EEA1: variants seen among roughly 807,000 people sequenced by gnomAD.
EEA1 encodes the protein early endosome antigen 1, also known as early endosome antigen 1, 162kD.
In EEA1, 111 loss-of-function variants were observed where a neutral mutation model predicts 209.2. The ratio of observed to expected loss-of-function variants is 0.53; its 90% CI spans 0.45 to 0.62. The LOEUF is 0.62. EEA1 is among the 20% of genes least tolerant of loss of function. The probability of loss-of-function intolerance (pLI) is 0.00; values close to 1 mark genes in which losing one functional copy is unlikely to be tolerated. For missense variants in EEA1, 1,343 were observed against 1,530.8 expected, an observed-to-expected ratio of 0.88 and a Z score of 2.05; for synonymous variants, 536 against 540.6, an observed-to-expected ratio of 0.99 and a Z score of 0.12.
intron 10 of EEA1, among the ~76,000 whole-genome samples, chr12:92,840,219 CA>C (rs1413819689): frequency 6.6e-6 from 1 of 152,056 alleles, no homozygotes; most frequent in Non-Finnish European, 1.5e-5. Context: ...AAAAGGGTTT[CA>C]TAACTCTCTA....
At chr12:92,887,660 TA>T (rs202029878) in intron 2 of EEA1, among the ~76,000 whole-genome samples, 5 of 151,046 alleles carry the variant, frequency 3.3e-5, no homozygotes, top group East Asian at 1.9e-4. Context: ...AAAATAAAAA[TA>T]AAAAAAATAC....
chr12:92,881,837 TTA>T (rs1242481508), intron 2 of EEA1, among the ~76,000 whole-genome samples: 1 of 152,180 alleles, frequency 6.6e-6, no homozygotes. Flanking sequence ...ATTACATATA[TTA>T]TATATGTTAT....
intron 13 of EEA1, among the ~76,000 whole-genome samples, chr12:92,821,471 C>T (rs989478219): frequency 6.6e-6 from 1 of 152,162 alleles, no homozygotes; most frequent in Admixed American, 6.5e-5. Context: ...CCAAAAGCCA[C>T]TCCCAAAATA....
chr12:92,859,236 C>T (rs1878023879), intron 3 of EEA1: 1 of 1,612,202 alleles, frequency 6.2e-7, no homozygotes, highest in Non-Finnish European at 8.5e-7. Context: ...TTGGTAGGGA[C>T]AGCTTCCCAT....
chr12:92,914,819 A>G (rs543218932), intron 1 of EEA1, among the ~76,000 whole-genome samples: 27 of 152,112 alleles, frequency 1.8e-4, no homozygotes, highest in African/African-American at 6.0e-4. Flanking sequence ...GTGCATCCCC[A>G]CGACCAACTA....
At chr12:92,916,481 C>T (rs532583758) in intron 1 of EEA1, among the ~76,000 whole-genome samples, 2 of 150,302 alleles carry the variant, frequency 1.3e-5, no homozygotes, top group African/African-American at 2.5e-5. Flanking sequence ...AGTGAAACCC[C>T]GTCTCTACTA....
intron 1 of EEA1, among the ~76,000 whole-genome samples, chr12:92,905,065 T>C (rs1313313225): frequency 6.6e-6 from 1 of 152,166 alleles, no homozygotes; most frequent in Non-Finnish European, 1.5e-5. Context: ...AACCTGAAGC[T>C]ATCTAGGGGC....
intron 8 of EEA1, 62 bp downstream of exon 8, chr12:92,852,113 G>T (rs1877655446): frequency 7.7e-7 from 1 of 1,292,516 alleles, no homozygotes; most frequent in Non-Finnish European, 1.0e-6. Flanking sequence ...TTCAGGGTAT[G>T]TATTTTATTT....
intron 2 of EEA1, chr12:92,879,224 T>G: frequency 3.3e-6 from 1 of 302,778 alleles, no homozygotes; most frequent in Non-Finnish European, 6.4e-6. Flanking sequence ...TTTTGTATTT[T>G]GGAATATTTA....
At chr12:92,796,041 T>C (rs972302814) in intron 21 of EEA1, among the ~76,000 whole-genome samples, 1 of 152,084 alleles carries the variant, frequency 6.6e-6, no homozygotes, top group Non-Finnish European at 1.5e-5. Context: ...AAGACAAAAT[T>C]CTCTGTCTTT....
At chr12:92,910,201 G>A (rs1271540961) in intron 1 of EEA1, among the ~76,000 whole-genome samples, 3 of 150,988 alleles carry the variant, frequency 2.0e-5, no homozygotes, top group Non-Finnish European at 4.4e-5. Context: ...GTCAGGCGCG[G>A]TGGCTCACAC....
chr12:92,879,541 A>AGGGGGAGGGGAAAAGAAGGGAGAGAGG (rs1879050514), intron 2 of EEA1, among the ~76,000 whole-genome samples: 1 of 145,276 alleles, frequency 6.9e-6, no homozygotes. Flanking sequence ...TTCAAAGGGA[A>AGGGGGAGGGGAAAAGAAGGGAGAGAGG]GGGGGAGGGG....
chr12:92,830,396 TC>T (rs993741719), intron 11 of EEA1, among the ~76,000 whole-genome samples: 1 of 152,090 alleles, frequency 6.6e-6, no homozygotes, highest in African/African-American at 2.4e-5. Context: ...AATATTTAGC[TC>T]CCACTTTTAA....
At chr12:92,897,368 G>A (rs1325356586) in intron 1 of EEA1, among the ~76,000 whole-genome samples, 1 of 152,176 alleles carries the variant, frequency 6.6e-6, no homozygotes, top group East Asian at 1.9e-4. Context: ...ACAGGAGTGT[G>A]ACCTTTGTAA....
intron 1 of EEA1, among the ~76,000 whole-genome samples, chr12:92,908,141 C>T (rs1007173039): frequency 2.0e-5 from 3 of 152,120 alleles, no homozygotes; most frequent in African/African-American, 7.2e-5. Context: ...AAATATTATT[C>T]AGCCTTTAAA....
intron 22 of EEA1, among the ~76,000 whole-genome samples, chr12:92,782,937 A>C (rs1487674058): frequency 6.6e-6 from 1 of 152,198 alleles, no homozygotes; most frequent in African/African-American, 2.4e-5. Context: ...GAACATACGG[A>C]GCCTGGAGGG....
At chr12:92,928,968 G>T (rs969453430) in intron 1 of EEA1, 75 bp downstream of exon 1, 4 of 1,491,224 alleles carry the variant, frequency 2.7e-6, no homozygotes, top group Non-Finnish European at 3.6e-6. Flanking sequence ...CGCTGAGGAG[G>T]GGCGCCCGCG....
intron 1 of EEA1, among the ~76,000 whole-genome samples, chr12:92,901,382 T>C (rs1880134498): frequency 1.3e-5 from 2 of 151,692 alleles, no homozygotes; most frequent in Non-Finnish European, 2.9e-5. Context: ...AAACCTATTA[T>C]CATCACCAAA....
At chr12:92,866,455 C>T (rs866487144) in intron 2 of EEA1, among the ~76,000 whole-genome samples, 36 of 151,770 alleles carry the variant, frequency 2.4e-4, no homozygotes, top group Middle Eastern at 6.8e-3. Flanking sequence ...TATATTATAA[C>T]TTTGAAGGTT....
Sources: allele counts gnomAD v4.1 joint callset (sites outside exome capture counted in the v4.1 genomes callset), GRCh38; gene constraint gnomAD v4.1.1; transcripts MANE v1.5; gene names NCBI Gene and HGNC (gene_info 2026-07-23, HGNC 2026-07-21).